SGPP2: variants seen among roughly 807,000 people sequenced by gnomAD.
SGPP2 encodes the protein sphingosine-1-phosphate phosphatase 2, also known as sphingosine 1-phosphate phosphohydrolase 2.
Under a neutral mutation model 33.9 loss-of-function variants are expected in SGPP2, and 30 were observed. That is an observed-to-expected ratio of 0.89 (90% CI 0.66 to 1.20). SGPP2 has a LOEUF of 1.20. SGPP2 is among the 50% of genes most tolerant of loss of function. The pLI is 0.00. For missense variants in SGPP2, 458 were observed against 532.1 expected, an observed-to-expected ratio of 0.86 and a Z score of 1.37; for synonymous variants, 233 against 225.0, an observed-to-expected ratio of 1.04 and a Z score of -0.32.
chr2:222,446,328 AAAAC>A (rs10672659), intron 1 of SGPP2, among the ~76,000 whole-genome samples: 3 of 151,392 alleles, frequency 2.0e-5, no homozygotes, highest in Non-Finnish European at 4.4e-5. Context: ...CATCAAACAC[AAAAC>A]AAACAACCCA....
chr2:222,466,335 T>G (rs756848038), intron 1 of SGPP2, among the ~76,000 whole-genome samples: 1 of 147,860 alleles, frequency 6.8e-6, no homozygotes, highest in African/African-American at 2.5e-5. Context: ...CTCGGCTCAC[T>G]GTAACCTCCA....
intron 1 of SGPP2, among the ~76,000 whole-genome samples, chr2:222,428,948 T>C (rs1315216120): frequency 1.3e-5 from 2 of 151,840 alleles, no homozygotes; most frequent in Non-Finnish European, 2.9e-5. Flanking sequence ...TGCACCACCA[T>C]GTCCAGCTAA....
chr2:222,483,855 C>T (rs1698065734), intron 2 of SGPP2, among the ~76,000 whole-genome samples: 1 of 152,158 alleles, frequency 6.6e-6, no homozygotes, highest in Admixed American at 6.5e-5. Context: ...AAAAGATTGC[C>T]CTGCTTGTTA....
At chr2:222,486,361 A>G (rs931912010) in intron 2 of SGPP2, among the ~76,000 whole-genome samples, 16 of 152,124 alleles carry the variant, frequency 1.1e-4, no homozygotes, top group Admixed American at 7.2e-4. Context: ...TATTATTAGC[A>G]TCATCGTTAT....
At chr2:222,486,206 C>A (rs1222575032) in intron 2 of SGPP2, among the ~76,000 whole-genome samples, 3 of 152,162 alleles carry the variant, frequency 2.0e-5, no homozygotes, top group African/African-American at 7.2e-5. Flanking sequence ...GAGGCTACCT[C>A]TGGGAAACTG....
rs1024146694 is a variant in SGPP2 at position 222,559,011 on chromosome 2, C to T, written c.*113C>T. On this transcript the variant is annotated 3_prime_UTR_variant, in exon 5 of 5. Coordinates refer to ENST00000321276, the MANE Select transcript of SGPP2 (RefSeq NM_152386.4). ...TCTTTAACAACAACAAAAAGTCATACGGCTGTCTTGCTACTACCAGATAAA... is the reference window on the plus strand; with the variant it reads ...TCTTTAACAACAACAAAAAGTCATATGGCTGTCTTGCTACTACCAGATAAA... 32 of 1,019,960 alleles carry T rather than the reference C, an allele frequency of 3.1e-5. No homozygotes were observed. Among genetic ancestry groups the T allele is most frequent in the Admixed American group, 2.0e-4 (8 of 40,258 alleles). The allele number at this position is 1,019,960 out of a possible 1,614,324, so 63.2% of individuals were successfully genotyped here.
At chr2:222,446,024 G>A (rs897119246) in intron 1 of SGPP2, among the ~76,000 whole-genome samples, 1 of 152,182 alleles carries the variant, frequency 6.6e-6, no homozygotes, top group Non-Finnish European at 1.5e-5. Context: ...GAACATTTGG[G>A]GACTGAAAAG....
rs974051906 is a variant in SGPP2 at position 222,562,151 on chromosome 2, G to GC, written c.*3258dup. ...TGCTTTTGGGAACTGTGACACCAAAGCCCCCAGGACTATCTGCCTCTCCAG... is the reference window on the plus strand; with the variant it reads ...TGCTTTTGGGAACTGTGACACCAAAGCCCCCCAGGACTATCTGCCTCTCCAG... On this transcript the variant is annotated 3_prime_UTR_variant, in exon 5 of 5. Transcript: ENST00000321276. Among the ~76,000 whole-genome samples the GC allele has an allele frequency of 2.6e-5, 4 of 152,056 alleles. No homozygotes were observed. Among genetic ancestry groups the GC allele is most frequent in the Non-Finnish European group, 2.9e-5 (2 of 68,010 alleles).
chr2:222,449,159 C>T (rs144764283), intron 1 of SGPP2, among the ~76,000 whole-genome samples: 90 of 152,310 alleles, frequency 5.9e-4, no homozygotes, highest in Non-Finnish European at 8.7e-4. Context: ...TCTTGTCTCT[C>T]TCCCTTTCTA....
intron 1 of SGPP2, among the ~76,000 whole-genome samples, chr2:222,470,452 A>T (rs1217308107): frequency 2.0e-5 from 3 of 152,184 alleles, no homozygotes; most frequent in African/African-American, 7.2e-5. Flanking sequence ...TTTAAACTTC[A>T]CCTTTGGTTA....
At chr2:222,488,134 C>T (rs899266921) in intron 2 of SGPP2, among the ~76,000 whole-genome samples, 44 of 152,312 alleles carry the variant, frequency 2.9e-4, no homozygotes, top group African/African-American at 1.1e-3. Flanking sequence ...TGGTGACCCC[C>T]ACATAACTGA....
intron 4 of SGPP2, among the ~76,000 whole-genome samples, chr2:222,538,096 T>C (rs2106146342): frequency 6.6e-6 from 1 of 152,330 alleles, no homozygotes; most frequent in South Asian, 2.1e-4. Context: ...GTTTAATTTC[T>C]GTGACCTCTG....
chr2:222,483,629 T>A (rs750138936), intron 2 of SGPP2, among the ~76,000 whole-genome samples: 6 of 152,236 alleles, frequency 3.9e-5, no homozygotes, highest in Admixed American at 1.3e-4. Context: ...TTTGTGATAA[T>A]GTGTCAAAAC....
chr2:222,559,156 ACCGCGC>A lies in SGPP2; in HGVS notation c.*261_*266del, dbSNP rs1559180264. ...ATAATCCGGATCTTTAAAGGCACAC[ACCGCGC>A]CCCCCCCCCCCCCGCCCGGCCCCTG... On this transcript the variant is annotated 3_prime_UTR_variant, in exon 5 of 5. Transcript: ENST00000321276. 8 of 56,696 alleles carry A rather than the reference ACCGCGC, an allele frequency of 1.4e-4. No individual in the cohort carries two copies. Among genetic ancestry groups the A allele is most frequent in the South Asian group, 1.2e-3 (3 of 2,518 alleles). 3.5% of individuals were successfully genotyped at this position (56,696 alleles called of 1,614,324 possible).
At chr2:222,493,636 T>C (rs961050020) in intron 2 of SGPP2, among the ~76,000 whole-genome samples, 1 of 152,240 alleles carries the variant, frequency 6.6e-6, no homozygotes, top group African/African-American at 2.4e-5. Context: ...GCACTCAGCC[T>C]AAATGTATTC....
chr2:222,462,757 T>G (rs1697683271), intron 1 of SGPP2, among the ~76,000 whole-genome samples: 1 of 152,138 alleles, frequency 6.6e-6, no homozygotes, highest in Admixed American at 6.5e-5. Context: ...GATTTTATTT[T>G]TATATAGTTT....
chr2:222,449,163 CT>C (rs907994190), intron 1 of SGPP2, among the ~76,000 whole-genome samples: 3 of 152,294 alleles, frequency 2.0e-5, no homozygotes, highest in Admixed American at 2.0e-4. Context: ...GTCTCTCTCC[CT>C]TTCTACCCAT....
At chr2:222,547,152 G>A (rs1046257086) in intron 4 of SGPP2, among the ~76,000 whole-genome samples, 7 of 152,110 alleles carry the variant, frequency 4.6e-5, no homozygotes, top group Non-Finnish European at 8.8e-5. Flanking sequence ...ATTATATAGC[G>A]TCCAACGTAA....
intron 1 of SGPP2, among the ~76,000 whole-genome samples, chr2:222,459,407 C>T (rs1302914745): frequency 6.6e-6 from 1 of 152,042 alleles, no homozygotes; most frequent in Admixed American, 6.6e-5. Flanking sequence ...GCCTCGGCCT[C>T]CCAAAGTGCT....
Sources: gnomAD v4.1 joint callset for allele counts (sites outside exome capture counted in the v4.1 genomes callset) on GRCh38, gnomAD v4.1.1 for gene constraint, MANE v1.5 for transcripts, NCBI Gene and HGNC (gene_info 2026-07-23, HGNC 2026-07-21) for gene names.